The following FCSK variants were observed in gnomAD, a reference collection of about 807,000 sequenced individuals.
FCSK encodes the protein L-fucose kinase.
FCSK carries 123 observed loss-of-function variants against 122.5 expected under a neutral mutation model. That is an observed-to-expected ratio of 1.00 (90% confidence interval 0.87 to 1.17). The LOEUF is 1.17. Ranked by LOEUF, FCSK falls within the 50% of genes most tolerant of loss-of-function variation. The pLI is 0.00. For missense variants in FCSK, 1,366 were observed against 1,450.4 expected, an observed-to-expected ratio of 0.94 and a Z score of 0.95; for synonymous variants, 620 against 625.5, an observed-to-expected ratio of 0.99 and a Z score of 0.13.
chr16:70,467,622 C>T (rs1303001509), intron 7 of FCSK, 151 bp downstream of exon 7: 10 of 663,690 alleles, frequency 1.5e-5, no homozygotes, highest in Non-Finnish European at 2.3e-5. Flanking sequence ...GGCACCAGTG[C>T]TCCCTTACTC....
chr16:70,471,323 AC>A lies in FCSK; in HGVS notation c.1315del (p.Leu439SerfsTer135). ...ACACGGCTCCCCGGGCCACGCCTTC[AC>A]CCTCGTTGGCCGTCTGGACAGCTGG... Reference protein sequence around the residue: ...RLHGSPGHAFTLVGRLDSWER... With the variant: ...RLHGSPGHAFXLVGRLDSWER... On this transcript the variant is annotated frameshift_variant, in exon 13 of 24. Coordinates refer to ENST00000288078, the MANE Select transcript of FCSK (RefSeq NM_145059.3). LOFTEE classifies it high-confidence loss of function. The A allele has an allele frequency of 1.3e-6, 2 of 1,595,768 alleles. No homozygotes were observed. Among genetic ancestry groups the A allele is most frequent in the South Asian group, 1.1e-5 (1 of 88,728 alleles).
At chr16:70,470,454 TG>T (rs781056811) in intron 11 of FCSK, 28 bp downstream of exon 11, 32 of 1,424,710 alleles carry the variant, frequency 2.2e-5, no homozygotes, top group Non-Finnish European at 2.9e-5. Context: ...CTCCGGTGCC[TG>T]CTGGTTGTCT....
chr16:70,462,257 C>G (rs1057251783), intron 1 of FCSK: 4 of 152,410 alleles, frequency 2.6e-5, no homozygotes, highest in African/African-American at 9.7e-5. Context: ...AAGCAGTCCT[C>G]CCACCTTGGT....
In FCSK at chr16:70,460,980, G is replaced by A. The variant is rs575222708; in HGVS notation, c.-22-2189G>A. Among the ~76,000 whole-genome samples the A allele has an allele frequency of 2.5e-4, 38 of 152,348 alleles. 1 individual carries two copies. Among genetic ancestry groups the A allele is most frequent in the Admixed American group, 2.5e-3 (38 of 15,298 alleles). On this transcript the variant is annotated intron_variant, in intron 1 of 23. Coordinates refer to ENST00000288078, the MANE Select transcript of FCSK (RefSeq NM_145059.3). Reference sequence around the variant, plus strand: ...GGGCTTGGTGGGCATCCTGGGAGGAGCCTTCACCCTCAAGTGCCTGGCTGG... The same window carrying A: ...GGGCTTGGTGGGCATCCTGGGAGGAACCTTCACCCTCAAGTGCCTGGCTGG...
intron 20 of FCSK, 64 bp downstream of exon 20, chr16:70,475,831 TG>T (rs2048794412): frequency 6.9e-7 from 1 of 1,454,346 alleles, no homozygotes; most frequent in Non-Finnish European, 9.1e-7. Context: ...GCGGGGGGAG[TG>T]GGGCTCCCCT....
At position 70,468,954 on chromosome 16, in the gene FCSK, GC is replaced by G. The variant is rs1484931851; in HGVS notation, c.772del (p.Arg258GlyfsTer19). Reference sequence around the variant, plus strand: ...CACCTACCTAGGCTTGGACTCCGGAGCCCGGCCTGTCCAGGTGACTGGGGGA... The same window carrying G: ...CACCTACCTAGGCTTGGACTCCGGAGCCGGCCTGTCCAGGTGACTGGGGGA... Reference protein sequence around the residue: ...ACTYLGLDSGARPVQLSLFFD... With the variant: ...ACTYLGLDSGXRPVQLSLFFD... On this transcript the variant is annotated frameshift_variant, in exon 9 of 24. Transcript: ENST00000288078. LOFTEE classifies it high-confidence loss of function. The G allele has an allele frequency of 1.2e-6, 2 of 1,613,442 alleles. No individual in the cohort carries two copies. Among genetic ancestry groups the G allele is most frequent in the Admixed American group, 1.7e-5 (1 of 60,022 alleles).
At chr16:70,469,610 G>C (rs1234339754) in intron 10 of FCSK, among the ~76,000 whole-genome samples, 1 of 152,124 alleles carries the variant, frequency 6.6e-6, no homozygotes, top group Non-Finnish European at 1.5e-5. Context: ...CTAGAGTGAG[G>C]TGGTGCGATC....
At chr16:70,459,455 T>C (rs1297030581) in intron 1 of FCSK, among the ~76,000 whole-genome samples, 1 of 151,974 alleles carries the variant, frequency 6.6e-6, no homozygotes, top group Non-Finnish European at 1.5e-5. Context: ...GGAGAATTGC[T>C]TGAACCCAGG....
At position 70,479,562 on chromosome 16, in the gene FCSK, C is replaced by T. The variant is rs536591858; in HGVS notation, c.3154-17C>T. On this transcript the variant is annotated splice_polypyrimidine_tract_variant and intron_variant, in intron 23 of 23. Transcript: ENST00000288078. ...AGATTTGTCCAGAGCCTTCTAAATA[C>T]TTCCTGTCTTGTCCAGGGCCTTGGG... 6.2e-7 allele frequency: 1 copy of T among 1,608,976 alleles called. No homozygotes were observed. Among genetic ancestry groups the T allele is most frequent in the Non-Finnish European group, 8.5e-7 (1 of 1,176,086 alleles).
At chr16:70,460,845 T>G (rs911442133) in intron 1 of FCSK, among the ~76,000 whole-genome samples, 1 of 152,190 alleles carries the variant, frequency 6.6e-6, no homozygotes, top group African/African-American at 2.4e-5. Flanking sequence ...GGTGGGAGAT[T>G]CAGATCGTAG....
At chr16:70,472,911 G>T in intron 14 of FCSK, 72 bp from the exon 15 acceptor site, 1 of 1,499,376 alleles carries the variant, frequency 6.7e-7, no homozygotes. Context: ...GAACTGACAG[G>T]CGGCTCAGGG....
rs765399888 is a variant in FCSK, at chr16:70,467,887, G to T, written c.584G>T (p.Gly195Val). 6.2e-7 allele frequency: 1 copy of T among 1,613,898 alleles called. No individual in the cohort carries two copies. Reference sequence around the variant, plus strand: ...GATTCTGTTTCTCCCTGCACATAGGGCCTTGTTTTGGACATTTACTACCAG... The same window carrying T: ...GATTCTGTTTCTCCCTGCACATAGGTCCTTGTTTTGGACATTTACTACCAG... ...NHGVYLTDPQ[G>V]LVLDIYYQGT... The change falls in exon 8 of 24, where the codon GGC becomes GTC. Residue 195 changes from glycine (G) to valine (V), a missense_variant and splice_region_variant. Gly to Val is a moderately radical substitution (Grantham distance 109). Transcript: ENST00000288078.
In FCSK at chr16:70,479,759, C is replaced by T; in HGVS notation, c.*79C>T. On this transcript the variant is annotated 3_prime_UTR_variant, in exon 24 of 24. Transcript: ENST00000288078. ...TTCCTTGCCCCATGGGAACCTCCAC[C>T]TCCTACTCCCCACCCACCTCTGCGA... 1.9e-6 allele frequency: 2 copies of T among 1,069,268 alleles called. No homozygotes were observed. Among genetic ancestry groups the T allele is most frequent in the South Asian group, 2.9e-5 (2 of 69,294 alleles). 66.2% of individuals were successfully genotyped at this position (1,069,268 alleles called of 1,614,324 possible).
At chr16:70,471,455 G>A (rs529924685) in intron 13 of FCSK, 103 bp downstream of exon 13, 45 of 1,217,356 alleles carry the variant, frequency 3.7e-5, no homozygotes, top group Middle Eastern at 4.1e-4. Context: ...GCACTGGCCC[G>A]TGGGACAGGC....
In FCSK at chr16:70,473,229, C is replaced by T. The variant is rs1161338730; in HGVS notation, c.1653C>T (p.Phe551=). 8.5e-6 allele frequency: 13 copies of T among 1,535,342 alleles called. No homozygotes were observed. The highest frequency in any genetic ancestry group is 2.7e-5 in the African/African-American group (2 of 72,950). The change falls in exon 15 of 24, where the codon TTC becomes TTT. Residue 551 remains phenylalanine (F), a synonymous_variant. Coordinates refer to ENST00000288078, the MANE Select transcript of FCSK (RefSeq NM_145059.3). This position sits in a 1 kb window ranked among gnomAD's most constrained non-coding sequence, Gnocchi z 4.9. ...ATLASRRDLF[F]RQALHKARHV... is the part of the protein sequence containing the mutation. ...TGGCCTCTCGCCGGGACCTGTTCTT[C>T]CGCCAGGCCCTGCATAAGGCGCGGC...
At chr16:70,475,237 G>T in intron 18 of FCSK, 113 bp from the exon 19 acceptor site, 1 of 1,294,472 alleles carries the variant, frequency 7.7e-7, no homozygotes, top group South Asian at 1.3e-5. Flanking sequence ...TACTGCTGCT[G>T]GGCTTTTGTC....
chr16:70,475,723 C>T lies in FCSK; in HGVS notation c.2597C>T (p.Ala866Val), dbSNP rs772654359. 3.7e-6 allele frequency: 6 copies of T among 1,603,262 alleles called. No homozygotes were observed. Among genetic ancestry groups the T allele is most frequent in the Non-Finnish European group, 5.1e-6 (6 of 1,175,518 alleles). The change falls in exon 20 of 24, where the codon GCC (alanine) becomes GTC (valine). Residue 866 changes from alanine to valine, a missense_variant. Transcript: ENST00000288078. ...GCAGGCCGGGTGGTGGGCACGGAAGCCCTGATCCACGCAGTGCTGCACCTG... is the reference window on the plus strand; with the variant it reads ...GCAGGCCGGGTGGTGGGCACGGAAGTCCTGATCCACGCAGTGCTGCACCTG... ...RAAGRVVGTE[A>V]LIHAVLHLEQ...
intron 2 of FCSK, 94 bp from the exon 3 acceptor site, chr16:70,463,529 A>G: frequency 6.6e-7 from 1 of 1,508,824 alleles, no homozygotes; most frequent in Non-Finnish European, 9.1e-7. Flanking sequence ...TAAGTCAAGG[A>G]AGATCAAACA....
At chr16:70,460,928 A>G (rs927054013) in intron 1 of FCSK, among the ~76,000 whole-genome samples, 1 of 152,186 alleles carries the variant, frequency 6.6e-6, no homozygotes, top group Non-Finnish European at 1.5e-5. Context: ...ACGGCCATAC[A>G]GTAAATTGGT....
Sources: allele counts gnomAD v4.1 joint callset (sites outside exome capture counted in the v4.1 genomes callset), GRCh38; gene constraint gnomAD v4.1.1; non-coding constraint Gnocchi (gnomAD v3.1); transcripts MANE v1.5; gene names NCBI Gene and HGNC (gene_info 2026-07-23, HGNC 2026-07-21).